Variants in SPOCK3 observed in about 807,000 individuals in gnomAD.
The protein encoded by SPOCK3 is SPARC (osteonectin), cwcv and kazal like domains proteoglycan 3.
A neutral mutation model predicts 56.6 loss-of-function variants in SPOCK3; 30 were observed. The observed-to-expected ratio is 0.53, with a 90% confidence interval of 0.40 to 0.72. SPOCK3 has a LOEUF of 0.72. Among genes scored for constraint, SPOCK3 ranks in the 30% least tolerant of loss-of-function variants. SPOCK3 has a pLI of 0.00. For missense variants in SPOCK3, 527 were observed against 530.0 expected, an observed-to-expected ratio of 0.99 and a Z score of 0.06; for synonymous variants, 196 against 183.3, an observed-to-expected ratio of 1.07 and a Z score of -0.56.
chr4:167,126,870 C>T (rs1422954802), intron 2 of SPOCK3, among the ~76,000 whole-genome samples: 1 of 152,178 alleles, frequency 6.6e-6, no homozygotes, highest in Non-Finnish European at 1.5e-5. Context: ...CCACCCCTCA[C>T]TTTTCCCTAC....
intron 4 of SPOCK3, among the ~76,000 whole-genome samples, chr4:166,969,809 C>T (rs1448242947): frequency 1.3e-5 from 2 of 152,108 alleles, no homozygotes; most frequent in African/African-American, 2.4e-5. Flanking sequence ...TCCATCAAAG[C>T]CTCCTTTTTT....
intron 6 of SPOCK3, among the ~76,000 whole-genome samples, chr4:166,851,520 G>A (rs919597512): frequency 2.4e-4 from 37 of 152,206 alleles, no homozygotes; most frequent in Admixed American, 5.9e-4. Context: ...AAATTACTCC[G>A]AGCTACAGGA....
chr4:166,820,015 G>A (rs1744764894), intron 6 of SPOCK3, among the ~76,000 whole-genome samples: 1 of 151,966 alleles, frequency 6.6e-6, no homozygotes, highest in Admixed American at 6.6e-5. Flanking sequence ...TAGCCACTGT[G>A]CCCAGCCTGG....
intron 3 of SPOCK3, among the ~76,000 whole-genome samples, chr4:167,055,128 C>G (rs10019425): frequency 0.015 from 2,313 of 151,888 alleles, 65 homozygotes; most frequent in African/African-American, 0.053. Flanking sequence ...TTTTTCTTCA[C>G]TTTTTTTAGA....
intron 4 of SPOCK3, among the ~76,000 whole-genome samples, chr4:166,953,904 G>A (rs1307756860): frequency 1.3e-5 from 2 of 152,114 alleles, no homozygotes; most frequent in Non-Finnish European, 2.9e-5. Flanking sequence ...AGGGACACAG[G>A]AAGGGGAACA....
intron 5 of SPOCK3, among the ~76,000 whole-genome samples, chr4:166,911,569 C>G (rs1385785680): frequency 6.6e-6 from 1 of 152,016 alleles, no homozygotes; most frequent in African/African-American, 2.4e-5. Flanking sequence ...CAGAGTTTTG[C>G]TCTTATTGCC....
intron 4 of SPOCK3, among the ~76,000 whole-genome samples, chr4:166,932,241 A>G (rs1452298606): frequency 6.6e-6 from 1 of 152,204 alleles, no homozygotes; most frequent in African/African-American, 2.4e-5. Context: ...GTTATTAATC[A>G]GTATTATTTT....
chr4:166,988,750 C>A (rs187258808), intron 4 of SPOCK3, among the ~76,000 whole-genome samples: 21 of 152,176 alleles, frequency 1.4e-4, no homozygotes, highest in Non-Finnish European at 1.6e-4. Context: ...CAATTCACAT[C>A]AACTGAGTTG....
chr4:167,085,524 T>TG (rs1168389234), intron 2 of SPOCK3, among the ~76,000 whole-genome samples: 1 of 152,126 alleles, frequency 6.6e-6, no homozygotes, highest in African/African-American at 2.4e-5. Flanking sequence ...TTCCTTTCAA[T>TG]GGGAGGTAAT....
At chr4:166,954,432 T>C (rs1743131642) in intron 4 of SPOCK3, among the ~76,000 whole-genome samples, 1 of 152,178 alleles carries the variant, frequency 6.6e-6, no homozygotes, top group African/African-American at 2.4e-5. Flanking sequence ...AGTTTCATAG[T>C]TTCTGGTCTT....
rs931617633 is a variant in SPOCK3 at position 166,768,053 on chromosome 4, C to T, written c.710-13324G>A. 6.1e-4 allele frequency among the ~76,000 whole-genome samples: 93 copies of T among 151,632 alleles called. 1 individual carries two copies. The highest frequency in any genetic ancestry group is 2.2e-3 in the African/African-American group (91 of 41,388). On this transcript the variant is annotated intron_variant, in intron 7 of 10. Coordinates refer to ENST00000357545, the MANE Select transcript of SPOCK3 (RefSeq NM_001040159.2). ...TTACATTTGTCTGGTAGATCTTCCTCCATCCCTTTATTTTGAGCCTATGTG... is the reference window on the plus strand; with the variant it reads ...TTACATTTGTCTGGTAGATCTTCCTTCATCCCTTTATTTTGAGCCTATGTG...
At chr4:167,057,356 G>C (rs1755016047) in intron 3 of SPOCK3, among the ~76,000 whole-genome samples, 1 of 152,106 alleles carries the variant, frequency 6.6e-6, no homozygotes, top group Admixed American at 6.6e-5. Context: ...AGACCATCGA[G>C]GCTAGGAAGA....
rs1035192034 is a variant in SPOCK3 at position 167,155,343 on chromosome 4, C to A, written c.189+78642G>T. Among the ~76,000 whole-genome samples the A allele has an allele frequency of 2.6e-5, 4 of 152,032 alleles. No homozygotes were observed. The East Asian group carries it at 7.7e-4, about 29-fold the overall frequency. On this transcript the variant is annotated intron_variant, in intron 2 of 10. Coordinates refer to ENST00000357545, the MANE Select transcript of SPOCK3 (RefSeq NM_001040159.2). Reference sequence around the variant, plus strand: ...ATCTTGGACAGGCTGGTCTTGAACTCCTGACCTCAAGTGATCCACCCGCCT... The same window carrying A: ...ATCTTGGACAGGCTGGTCTTGAACTACTGACCTCAAGTGATCCACCCGCCT...
intron 2 of SPOCK3, among the ~76,000 whole-genome samples, chr4:167,066,298 G>A (rs1580183740): frequency 6.6e-6 from 1 of 151,774 alleles, no homozygotes; most frequent in African/African-American, 2.4e-5. Context: ...ACTATTGTGT[G>A]CATTGCTCGC....
intron 2 of SPOCK3, among the ~76,000 whole-genome samples, chr4:167,101,824 G>A (rs2150326354): frequency 6.7e-6 from 1 of 148,426 alleles, no homozygotes; most frequent in East Asian, 2.0e-4. Flanking sequence ...CCAGGTTCAA[G>A]CAATTCCCCT....
intron 2 of SPOCK3, among the ~76,000 whole-genome samples, chr4:167,196,070 T>C (rs1425470992): frequency 2.6e-5 from 4 of 152,204 alleles, no homozygotes; most frequent in Non-Finnish European, 5.9e-5. Flanking sequence ...CTACTGATTT[T>C]TAAGAAAAAA....
intron 2 of SPOCK3, among the ~76,000 whole-genome samples, chr4:167,089,958 T>C (rs549880916): frequency 0.076 from 48 of 634 alleles, no homozygotes; most frequent in African/African-American, 0.13. Context: ...TTCAGTAGTC[T>C]GGGTTTTTTT....
rs1353298835 is a variant in SPOCK3 at position 166,847,657 on chromosome 4, A to ATC, written c.589+41472_589+41473insGA. Among the ~76,000 whole-genome samples, 8 of 92,246 alleles carry ATC rather than the reference A, an allele frequency of 8.7e-5. No individual in the cohort carries two copies. In the East Asian group the frequency reaches 3.8e-3, roughly 44 times the overall value. The allele number at this position is 92,246 out of a possible 152,430, so 60.5% of individuals were successfully genotyped here. ...AAGGAAAATCCTAGTTTATATATATATATATATATATATATATATATATAA... is the reference window on the plus strand; with the variant it reads ...AAGGAAAATCCTAGTTTATATATATATCTATATATATATATATATATATATAA... On this transcript the variant is annotated intron_variant, in intron 6 of 10. Transcript: ENST00000357545.
intron 4 of SPOCK3, among the ~76,000 whole-genome samples, chr4:166,947,479 A>G (rs1253036688): frequency 6.6e-6 from 1 of 152,170 alleles, no homozygotes; most frequent in Non-Finnish European, 1.5e-5. Flanking sequence ...TTTTGCATGT[A>G]ACTTTTGCCA....
Sources: gnomAD v4.1 joint callset for allele counts (sites outside exome capture counted in the v4.1 genomes callset) on GRCh38, gnomAD v4.1.1 for gene constraint, MANE v1.5 for transcripts, NCBI Gene and HGNC (gene_info 2026-07-23, HGNC 2026-07-21) for gene names.